ROBO1: variants seen among roughly 807,000 people sequenced by gnomAD.
The protein encoded by ROBO1 is roundabout homolog 1.
ROBO1 carries 149 observed loss-of-function variants against 195.9 expected under a neutral mutation model. The ratio of observed to expected loss-of-function variants is 0.76; its 90% CI spans 0.67 to 0.87. The LOEUF is 0.87. ROBO1 is among the 40% of genes least tolerant of loss of function. The pLI is 0.00. For missense variants in ROBO1, 1,933 were observed against 2,068.3 expected (o/e 0.93, Z 1.27); for synonymous variants, 816 against 733.2 (o/e 1.11, Z -1.82).
intron 21 of ROBO1, among the ~76,000 whole-genome samples, chr3:78,642,209 C>T (rs959878394): frequency 1.1e-4 from 17 of 151,918 alleles, no homozygotes; most frequent in Middle Eastern, 6.3e-3. Flanking sequence ...GATAGATTTG[C>T]GTCATGAAGA....
intron 2 of ROBO1, among the ~76,000 whole-genome samples, chr3:79,516,274 C>T (rs1476119537): frequency 6.6e-6 from 1 of 152,056 alleles, no homozygotes; most frequent in Non-Finnish European, 1.5e-5. Context: ...CTCAGTACTC[C>T]TTCCACTAGA....
chr3:78,900,147 CA>C (rs1176977722), intron 4 of ROBO1, among the ~76,000 whole-genome samples: 3 of 152,000 alleles, frequency 2.0e-5, no homozygotes, highest in Non-Finnish European at 4.4e-5. Flanking sequence ...CACAAGAAAA[CA>C]AAAAGTTCAG....
intron 2 of ROBO1, among the ~76,000 whole-genome samples, chr3:79,442,176 G>T (rs2039077316): frequency 6.6e-6 from 1 of 152,092 alleles, no homozygotes; most frequent in African/African-American, 2.4e-5. Context: ...CATTCAAGAT[G>T]AAATCCTTAT....
intron 3 of ROBO1, among the ~76,000 whole-genome samples, chr3:79,103,359 C>A (rs1197541197): frequency 4.0e-5 from 6 of 151,888 alleles, no homozygotes; most frequent in African/African-American, 1.2e-4. Flanking sequence ...TCAGCTTTTG[C>A]ATTATTGACT....
chr3:78,782,171 C>T (rs988287080), intron 4 of ROBO1, among the ~76,000 whole-genome samples: 17 of 152,008 alleles, frequency 1.1e-4, no homozygotes, highest in African/African-American at 3.6e-4. Flanking sequence ...GTTTAAATAA[C>T]CTATTAAAAT....
rs751320221 is a variant in ROBO1, at chr3:78,668,515, T to C, written c.1599A>G (p.Glu533=). 3.1e-6 allele frequency: 5 copies of C among 1,613,886 alleles called. No individual in the cohort carries two copies. Among genetic ancestry groups the C allele is most frequent in the South Asian group, 2.2e-5 (2 of 91,086 alleles). The part of the protein sequence containing the change: ...YTCIASTPSG[E]ATWSAYIEVQ... The stretch of plus-strand genomic sequence containing the variant: ...CTTCAATGTAAGCACTCCATGTTGC[T>C]TCACCACTGGGGGTTGATGCAATGC... The change falls in exon 12 of 31, where the codon GAA becomes GAG. Residue 533 remains glutamate, a synonymous_variant. Transcript: ENST00000464233.
At chr3:79,653,478 C>T (rs1560072438) in intron 1 of ROBO1, among the ~76,000 whole-genome samples, 2 of 151,602 alleles carry the variant, frequency 1.3e-5, no homozygotes, top group Non-Finnish European at 1.5e-5. Context: ...GATTTTTTTT[C>T]ACAAGGGATT....
chr3:78,751,576 A>G (rs1014167896), intron 4 of ROBO1, among the ~76,000 whole-genome samples: 2 of 152,116 alleles, frequency 1.3e-5, no homozygotes, highest in African/African-American at 4.8e-5. Flanking sequence ...CATAATTCTA[A>G]ATACACAAGT....
At chr3:78,987,638 T>C (rs1463524532) in intron 3 of ROBO1, among the ~76,000 whole-genome samples, 2 of 151,064 alleles carry the variant, frequency 1.3e-5, no homozygotes, top group Non-Finnish European at 3.0e-5. Flanking sequence ...GAGGTGGAGA[T>C]GGTGAATGGG....
At chr3:79,290,685 C>T (rs1367410237) in intron 2 of ROBO1, among the ~76,000 whole-genome samples, 1 of 152,118 alleles carries the variant, frequency 6.6e-6, no homozygotes, top group Non-Finnish European at 1.5e-5. Context: ...ACAAATCCCA[C>T]AACCTTCTTA....
intron 2 of ROBO1, among the ~76,000 whole-genome samples, chr3:79,351,177 A>C (rs967517121): frequency 6.6e-6 from 1 of 152,170 alleles, no homozygotes; most frequent in East Asian, 1.9e-4. Flanking sequence ...GCATATAAAA[A>C]ATTATGACTA....
At position 79,612,023 on chromosome 3, in the gene ROBO1, CT is replaced by C. The variant is rs956451788; in HGVS notation, c.-50-22063del. ...GTCACAATTCTGTAATGACTATTATCTTTTTTTTTATTATTTTTTTATACTT... is the reference window on the plus strand; with the variant it reads ...GTCACAATTCTGTAATGACTATTATCTTTTTTTTATTATTTTTTTATACTT... On this transcript the variant is annotated intron_variant, in intron 1 of 30. Transcript: ENST00000464233. Among the ~76,000 whole-genome samples, 36 of 131,244 alleles carry C rather than the reference CT, an allele frequency of 2.7e-4. 1 individual carries two copies. The highest frequency in any genetic ancestry group is 1.8e-3 in the South Asian group (8 of 4,476). The allele number at this position is 131,244 out of a possible 152,430, so 86.1% of individuals were successfully genotyped here.
intron 8 of ROBO1, among the ~76,000 whole-genome samples, chr3:78,702,022 AGT>A (rs1186909219): frequency 6.6e-6 from 1 of 152,254 alleles, no homozygotes; most frequent in Admixed American, 6.5e-5. Context: ...TATACTACAC[AGT>A]GTGAACTTCT....
Position 79,109,525 on chromosome 3 carries a change from C to T in ROBO1, c.172+15931G>A, listed in dbSNP as rs184034370. 2.6e-5 allele frequency among the ~76,000 whole-genome samples: 4 copies of T among 152,084 alleles called. 1 individual carries two copies. The highest frequency in any genetic ancestry group is 6.8e-3 in the Middle Eastern group (2 of 294). On this transcript the variant is annotated intron_variant, in intron 3 of 30. Coordinates refer to ENST00000464233, the MANE Select transcript of ROBO1 (RefSeq NM_002941.4). ...GTTTCCTCATTGCTTTCTACTTCTG[C>T]TTTCTCAAAGATAGCTAGCACCTTG...
chr3:79,766,974 C>A (rs1011185623), intron 1 of ROBO1, among the ~76,000 whole-genome samples: 1 of 152,018 alleles, frequency 6.6e-6, no homozygotes, highest in Admixed American at 6.5e-5. Context: ...TTCCTCCTTC[C>A]CTCCCTCATT....
chr3:79,638,286 C>T (rs538091934), intron 1 of ROBO1, among the ~76,000 whole-genome samples: 1 of 152,328 alleles, frequency 6.6e-6, no homozygotes, highest in African/African-American at 2.4e-5. Flanking sequence ...AAAAAGCAGC[C>T]TGATTTTCCC....
intron 3 of ROBO1, among the ~76,000 whole-genome samples, chr3:79,123,598 T>C (rs2080161402): frequency 6.6e-6 from 1 of 151,972 alleles, no homozygotes; most frequent in South Asian, 2.1e-4. Context: ...AATCAAGAAT[T>C]TTCCAAAACA....
intron 2 of ROBO1, among the ~76,000 whole-genome samples, chr3:79,585,184 A>C (rs1422163135): frequency 1.3e-5 from 2 of 151,928 alleles, no homozygotes; most frequent in East Asian, 3.9e-4. Flanking sequence ...GTCATAATAC[A>C]GCCATGGTTA....
chr3:79,423,188 G>A (rs868862118), intron 2 of ROBO1, among the ~76,000 whole-genome samples: 1 of 152,222 alleles, frequency 6.6e-6, no homozygotes, highest in East Asian at 1.9e-4. Flanking sequence ...TAGCAGTCTG[G>A]TTTCACCATT....
Sources: gnomAD v4.1 joint callset for allele counts (sites outside exome capture counted in the v4.1 genomes callset) on GRCh38, gnomAD v4.1.1 for gene constraint, MANE v1.5 for transcripts, NCBI Gene and HGNC (gene_info 2026-07-23, HGNC 2026-07-21) for gene names.